The following CEP192 variants were observed in gnomAD, a reference collection of about 807,000 sequenced individuals.
The protein encoded by CEP192 is centrosomal protein 192.
CEP192 carries 151 observed loss-of-function variants against 271.8 expected under a neutral mutation model. The ratio of observed to expected loss-of-function variants is 0.56; its 90% CI spans 0.49 to 0.64. The LOEUF is 0.64. CEP192 is among the 30% of genes least tolerant of loss of function. The pLI, the probability that CEP192 is intolerant of heterozygous loss-of-function variation, is 0.00. For missense variants in CEP192, 2,910 were observed against 3,020.5 expected, an observed-to-expected ratio of 0.96 and a Z score of 0.86; for synonymous variants, 995 against 1,076.5, an observed-to-expected ratio of 0.92 and a Z score of 1.48.
chr18:13,087,905 A>C (rs929077127), intron 32 of CEP192, among the ~76,000 whole-genome samples: 1 of 152,168 alleles, frequency 6.6e-6, no homozygotes, highest in Non-Finnish European at 1.5e-5. Context: ...TCCCTTACTC[A>C]GTAGGTGCAT....
intron 2 of CEP192, among the ~76,000 whole-genome samples, chr18:12,999,822 C>T (rs9949682): frequency 0.71 from 104,034 of 147,374 alleles, 37,741 homozygotes; most frequent in African/African-American, 0.89. Context: ...TTACCTATTT[C>T]GGTCTATTTT....
At chr18:13,113,381 C>G (rs2040292735) in intron 40 of CEP192, among the ~76,000 whole-genome samples, 1 of 152,096 alleles carries the variant, frequency 6.6e-6, no homozygotes, top group Non-Finnish European at 1.5e-5. Context: ...TATATAAAGC[C>G]TTAAGCAAAA....
At chr18:13,059,029 T>C in intron 20 of CEP192, 53 bp from the exon 21 acceptor site, 1 of 1,143,830 alleles carries the variant, frequency 8.7e-7, no homozygotes, top group South Asian at 1.3e-5. Flanking sequence ...GTGATTCTAC[T>C]TGATTTTCAG....
chr18:13,019,437 A>G (rs1029824285), intron 9 of CEP192, among the ~76,000 whole-genome samples: 1 of 152,164 alleles, frequency 6.6e-6, no homozygotes, highest in African/African-American at 2.4e-5. Flanking sequence ...TCATTTGGAA[A>G]GTTCTTTAGC....
At chr18:13,029,050 G>C (rs934401065) in intron 9 of CEP192, among the ~76,000 whole-genome samples, 1 of 152,196 alleles carries the variant, frequency 6.6e-6, no homozygotes, top group Non-Finnish European at 1.5e-5. Flanking sequence ...TGATACCATG[G>C]TGGCAGCCAA....
rs1429300973 is a variant in CEP192 at position 13,071,343 on chromosome 18, C to T, written c.5348+131C>T. ...CTCAATTGTGCAGAACTGGAAAAAC[C>T]TAGATGGGCACGTGTCCTGATTCAG... On this transcript the variant is annotated intron_variant, in intron 28 of 44. Transcript: ENST00000506447. 3 of 715,910 alleles carry T rather than the reference C, an allele frequency of 4.2e-6. No homozygotes were observed. In the African/African-American group the frequency reaches 5.4e-5, roughly 13 times the overall value. The allele number at this position is 715,910 out of a possible 1,614,324, so 44.3% of individuals were successfully genotyped here.
chr18:13,069,232 G>A lies in CEP192; in HGVS notation c.5055+51G>A, dbSNP rs1166300513. ...AAGATAGTCTTTCCTCAGACTGTGA[G>A]AGCTCCTTGCTTTCTGCAGGCTGTT... is the stretch of plus-strand genomic sequence containing the variant. On this transcript the variant is annotated intron_variant, in intron 26 of 44. Transcript: ENST00000506447. 3.4e-6 allele frequency: 5 copies of A among 1,464,350 alleles called. No individual in the cohort carries two copies. In the East Asian group the frequency reaches 1.1e-4, roughly 33 times the overall value. The allele number at this position is 1,464,350 out of a possible 1,614,324, so 90.7% of individuals were successfully genotyped here.
Position 13,071,041 on chromosome 18 carries a change from T to A in CEP192, c.5177T>A (p.Ile1726Asn). 6 of 1,611,592 alleles carry A rather than the reference T, an allele frequency of 3.7e-6. No individual in the cohort carries two copies. The highest frequency in any genetic ancestry group is 5.1e-6 in the Non-Finnish European group (6 of 1,178,676). ...PKDPEACEER[I>N]LKIFVQPFGP... ...ACTTAGAATTCTTTCTTTCTTAGGATCTTGAAAATATTTGTGCAGCCATTT... is the reference window on the plus strand; with the variant it reads ...ACTTAGAATTCTTTCTTTCTTAGGAACTTGAAAATATTTGTGCAGCCATTT... Residue 1726 changes from isoleucine to asparagine, a missense_variant and splice_region_variant, in exon 28 of 45, where the codon ATC becomes AAC. Ile to Asn is a moderately radical substitution (Grantham distance 149). Coordinates refer to ENST00000506447, the MANE Select transcript of CEP192 (RefSeq NM_032142.4).
At chr18:13,013,936 C>T (rs954494465) in intron 5 of CEP192, among the ~76,000 whole-genome samples, 4 of 152,204 alleles carry the variant, frequency 2.6e-5, no homozygotes, top group Non-Finnish European at 5.9e-5. Context: ...CAAACCATAG[C>T]TTATGGCCTG....
At chr18:13,071,265 G>T in intron 28 of CEP192, 53 bp downstream of exon 28, 5 of 1,468,670 alleles carry the variant, frequency 3.4e-6, no homozygotes, top group Non-Finnish European at 2.8e-6. Context: ...TTTTGGAGCA[G>T]ACTACAAATT....
At chr18:13,020,102 C>A (rs193078521) in intron 9 of CEP192, among the ~76,000 whole-genome samples, 1 of 152,184 alleles carries the variant, frequency 6.6e-6, no homozygotes, top group Non-Finnish European at 1.5e-5. Context: ...TGAGCCACCA[C>A]ACCCAGCTAC....
At position 13,089,626 on chromosome 18, in the gene CEP192, T is replaced by C. The variant is rs190860539; in HGVS notation, c.6103+61T>C. ...TTTGGGTCATTTATAGTATTATCTA[T>C]GTCCAATGATGTGATATAAGAAGGA... On this transcript the variant is annotated intron_variant, in intron 33 of 44. Coordinates refer to ENST00000506447, the MANE Select transcript of CEP192 (RefSeq NM_032142.4). 1.2e-5 allele frequency: 9 copies of C among 774,252 alleles called. 1 individual carries two copies. The Admixed American group carries it at 2.1e-4, about 18-fold the overall frequency. 48.0% of individuals were successfully genotyped at this position (774,252 alleles called of 1,614,324 possible).
intron 34 of CEP192, among the ~76,000 whole-genome samples, chr18:13,093,355 CCT>C (rs2144765676): frequency 6.6e-6 from 1 of 152,324 alleles, no homozygotes; most frequent in African/African-American, 2.4e-5. Context: ...TTTGCTGCTT[CCT>C]CTCTGGTCCG....
chr18:13,077,256 C>T (rs2038340576), intron 30 of CEP192, among the ~76,000 whole-genome samples: 1 of 152,084 alleles, frequency 6.6e-6, no homozygotes, highest in Non-Finnish European at 1.5e-5. Context: ...ATTGAGTATC[C>T]CTAATCTGAA....
chr18:13,104,229 C>T (rs188958378), intron 39 of CEP192, among the ~76,000 whole-genome samples: 4 of 152,228 alleles, frequency 2.6e-5, no homozygotes, highest in African/African-American at 7.2e-5. Context: ...CATGGCTTTT[C>T]CCCTCATGTT....
intron 44 of CEP192, among the ~76,000 whole-genome samples, chr18:13,123,475 T>C (rs987522068): frequency 3.3e-5 from 5 of 152,212 alleles, no homozygotes; most frequent in Admixed American, 3.3e-4. Flanking sequence ...GGTGTACTCT[T>C]GTGCACCCAA....
At chr18:13,040,114 T>C (rs74512048) in intron 13 of CEP192, among the ~76,000 whole-genome samples, 4,965 of 152,252 alleles carry the variant, frequency 0.033, 109 homozygotes, top group African/African-American at 0.05. Flanking sequence ...AATGGAATTA[T>C]AGTAAGGAAA....
chr18:13,102,405 C>G (rs75337062), intron 38 of CEP192, among the ~76,000 whole-genome samples: 4,902 of 152,106 alleles, frequency 0.032, 103 homozygotes, highest in African/African-American at 0.049. Context: ...CCACCAGCAC[C>G]CAGTACACTC....
At chr18:13,005,574 A>C (rs1202414185) in intron 3 of CEP192, among the ~76,000 whole-genome samples, 3 of 152,162 alleles carry the variant, frequency 2.0e-5, no homozygotes, top group Non-Finnish European at 4.4e-5. Context: ...TTGTTGATGG[A>C]AGACAGGAGG....
Sources: gnomAD v4.1 joint callset for allele counts (sites outside exome capture counted in the v4.1 genomes callset) on GRCh38, gnomAD v4.1.1 for gene constraint, MANE v1.5 for transcripts, NCBI Gene and HGNC (gene_info 2026-07-23, HGNC 2026-07-21) for gene names.